Variants in DGKB observed in about 807,000 individuals in gnomAD.
DGKB encodes the protein diacylglycerol kinase beta, also known as 90 kDa diacylglycerol kinase.
DGKB carries 67 observed loss-of-function variants against 114.3 expected under a neutral mutation model. The ratio of observed to expected loss-of-function variants is 0.59; its 90% CI spans 0.48 to 0.72. The LOEUF (loss-of-function observed/expected upper bound fraction) is 0.72. Ranked by LOEUF, DGKB falls within the 30% of genes least tolerant of loss-of-function variation. The pLI is 0.00. For synonymous variants in DGKB, 398 were observed against 323.1 expected (o/e 1.23, Z -2.49); for missense variants, 907 against 975.2 (o/e 0.93, Z 0.93).
At chr7:14,619,008 T>C (rs1004832712) in intron 15 of DGKB, among the ~76,000 whole-genome samples, 17 of 151,598 alleles carry the variant, frequency 1.1e-4, no homozygotes, top group African/African-American at 4.1e-4. Flanking sequence ...TATTTTTTCA[T>C]TTTGCATATA....
At chr7:14,746,475 A>G (rs1833300595) in intron 4 of DGKB, among the ~76,000 whole-genome samples, 1 of 152,116 alleles carries the variant, frequency 6.6e-6, no homozygotes, top group African/African-American at 2.4e-5. Flanking sequence ...GCTTAGATAC[A>G]TTTTTAAGTT....
At chr7:14,229,008 A>G (rs1188584904) in intron 23 of DGKB, among the ~76,000 whole-genome samples, 1 of 151,938 alleles carries the variant, frequency 6.6e-6, no homozygotes, top group Non-Finnish European at 1.5e-5. Flanking sequence ...GAAAATGAGC[A>G]GGCTGTGCTG....
In DGKB at chr7:14,145,957, A is replaced by T. The variant is rs990836276; in HGVS notation, c.*3174T>A. 8 of 152,244 alleles carry T rather than the reference A, an allele frequency of 5.3e-5. No homozygotes were observed. In the South Asian group the frequency reaches 8.3e-4, roughly 16 times the overall value. The allele number at this position is 152,244 out of a possible 1,614,324, so 9.4% of individuals were successfully genotyped here. A position where few individuals can be genotyped will look rare whatever the true frequency, so the allele number is the denominator to read the frequency against. ...AAAACGAAAACAAAATAAAATGTGG[A>T]AACACGTATGTGATTCATTAGCCCT... On this transcript the variant is annotated 3_prime_UTR_variant, in exon 26 of 26. Coordinates refer to ENST00000402815, the MANE Select transcript of DGKB (RefSeq NM_001350709.2).
At chr7:14,973,881 T>G (rs917808115) in intron 1 of DGKB, among the ~76,000 whole-genome samples, 3 of 148,238 alleles carry the variant, frequency 2.0e-5, no homozygotes, top group Non-Finnish European at 4.5e-5. Context: ...TTTAAGATAC[T>G]TAAATTTATA....
rs1810513087 is a variant in DGKB, at chr7:14,335,641, T to C, written c.2122+2874A>G. On this transcript the variant is annotated intron_variant, in intron 23 of 25. Transcript: ENST00000402815. Reference sequence around the variant, plus strand: ...TGTTGGACTAGAGCCATATTGGCCATATTCATTCTAAAGTCAGTGCTTATA... The same window carrying C: ...TGTTGGACTAGAGCCATATTGGCCACATTCATTCTAAAGTCAGTGCTTATA... Among the ~76,000 whole-genome samples the C allele has an allele frequency of 2.6e-5, 4 of 152,246 alleles. No homozygotes were observed. The South Asian group carries it at 8.3e-4, about 31-fold the overall frequency.
chr7:14,854,915 T>C (rs1369297173), intron 1 of DGKB, among the ~76,000 whole-genome samples: 2 of 152,090 alleles, frequency 1.3e-5, no homozygotes, highest in Non-Finnish European at 2.9e-5. Context: ...AACCAAAGAA[T>C]GATTTAAAAA....
chr7:14,192,637 A>T (rs956308487), intron 23 of DGKB, among the ~76,000 whole-genome samples: 3 of 152,170 alleles, frequency 2.0e-5, no homozygotes, highest in Non-Finnish European at 4.4e-5. Flanking sequence ...TTCATGGATG[A>T]CAGTTTTTCC....
At chr7:14,672,619 T>C (rs556462729) in intron 13 of DGKB, among the ~76,000 whole-genome samples, 15 of 152,052 alleles carry the variant, frequency 9.9e-5, no homozygotes, top group Non-Finnish European at 1.8e-4. Flanking sequence ...TCTGGGAAGC[T>C]AGATCTATAA....
At chr7:14,579,401 A>C (rs17168277) in intron 19 of DGKB, among the ~76,000 whole-genome samples, 23,724 of 152,172 alleles carry the variant, frequency 0.16, 2,137 homozygotes, top group East Asian at 0.4. Flanking sequence ...CTTCTTTAAC[A>C]AATTTGAGAT....
At chr7:14,927,309 A>G (rs1784795309) in intron 1 of DGKB, among the ~76,000 whole-genome samples, 1 of 151,998 alleles carries the variant, frequency 6.6e-6, no homozygotes, top group African/African-American at 2.4e-5. Flanking sequence ...AACCACTAAG[A>G]ATTAATTTTA....
intron 20 of DGKB, among the ~76,000 whole-genome samples, chr7:14,538,840 G>A (rs1161285821): frequency 6.6e-6 from 1 of 152,086 alleles, no homozygotes; most frequent in African/African-American, 2.4e-5. Context: ...CAACACGGAT[G>A]GACCTGGACA....
rs921631052 is a variant in DGKB at position 14,869,935 on chromosome 7, C to T, written c.-187-28485G>A. 7.2e-5 allele frequency among the ~76,000 whole-genome samples: 11 copies of T among 152,134 alleles called. No individual in the cohort carries two copies. The East Asian group carries it at 2.1e-3, about 29-fold the overall frequency. Reference sequence around the variant, plus strand: ...ACAATTTAAATAATGTTTTATAACCCACGATTTTTTTATTACACTCTCTCC... The same window carrying T: ...ACAATTTAAATAATGTTTTATAACCTACGATTTTTTTATTACACTCTCTCC... On this transcript the variant is annotated intron_variant, in intron 1 of 25. Coordinates refer to ENST00000402815, the MANE Select transcript of DGKB (RefSeq NM_001350709.2).
chr7:14,560,073 T>TA (rs915767686), intron 20 of DGKB, among the ~76,000 whole-genome samples: 1 of 148,902 alleles, frequency 6.7e-6, no homozygotes, highest in African/African-American at 2.5e-5. Flanking sequence ...ATTTTTTTTT[T>TA]ACTGTTTAAT....
intron 16 of DGKB, among the ~76,000 whole-genome samples, chr7:14,612,796 T>C (rs985863245): frequency 8.5e-5 from 13 of 152,188 alleles, no homozygotes; most frequent in Admixed American, 7.2e-4. Context: ...TAATATGATT[T>C]AATCATTCAT....
chr7:14,890,766 C>A (rs1781080685), intron 1 of DGKB, among the ~76,000 whole-genome samples: 1 of 151,090 alleles, frequency 6.6e-6, no homozygotes, highest in African/African-American at 2.4e-5. Context: ...ACCTCAAAGA[C>A]TCCATGCTTG....
intron 23 of DGKB, among the ~76,000 whole-genome samples, chr7:14,289,219 C>G (rs1801355562): frequency 1.3e-5 from 2 of 151,648 alleles, no homozygotes; most frequent in African/African-American, 4.8e-5. Context: ...GTGACTCGTG[C>G]TTGAAAAAAA....
At chr7:14,943,341 AC>A (rs1243722061) in intron 1 of DGKB, among the ~76,000 whole-genome samples, 4 of 151,786 alleles carry the variant, frequency 2.6e-5, no homozygotes, top group African/African-American at 4.8e-5. Context: ...TAAGAAAAAA[AC>A]CTCTATAATT....
chr7:14,727,955 A>G (rs997291364), intron 5 of DGKB, among the ~76,000 whole-genome samples: 1 of 152,234 alleles, frequency 6.6e-6, no homozygotes, highest in African/African-American at 2.4e-5. Context: ...AGGTTCAAGT[A>G]TCTCATTCTC....
intron 1 of DGKB, among the ~76,000 whole-genome samples, chr7:14,931,638 G>A (rs927882988): frequency 1.3e-4 from 20 of 152,156 alleles, no homozygotes; most frequent in African/African-American, 4.8e-4. Context: ...TTTGGCTGGA[G>A]GGAGTGGAAC....
Sources: allele counts gnomAD v4.1 joint callset (sites outside exome capture counted in the v4.1 genomes callset), GRCh38; gene constraint gnomAD v4.1.1; transcripts MANE v1.5; gene names NCBI Gene and HGNC (gene_info 2026-07-23, HGNC 2026-07-21).